STARD10: variants seen among roughly 807,000 people sequenced by gnomAD.
STARD10 encodes the protein StAR related lipid transfer domain containing 10.
In STARD10, 24 loss-of-function variants were observed where a neutral mutation model predicts 36.0. The ratio of observed to expected loss-of-function variants is 0.67; its 90% CI spans 0.48 to 0.94. STARD10 has a LOEUF of 0.94. Ranked by LOEUF, STARD10 falls within the 40% of genes least tolerant of loss-of-function variation. The pLI is 0.00. For missense variants in STARD10, 335 were observed against 396.6 expected (o/e 0.84, Z 1.32); for synonymous variants, 156 against 161.9 (o/e 0.96, Z 0.28).
At chr11:72,770,907 C>T (rs1858846483) in intron 2 of STARD10, among the ~76,000 whole-genome samples, 1 of 152,192 alleles carries the variant, frequency 6.6e-6, no homozygotes, top group Non-Finnish European at 1.5e-5. Flanking sequence ...CAAGGTAACC[C>T]AGGTGAACAA....
intron 6 of STARD10, chr11:72,755,368 T>G (rs1031029445): frequency 1.7e-6 from 1 of 574,626 alleles, no homozygotes; most frequent in African/African-American, 2.0e-5. Context: ...TGGAGTGCAG[T>G]GGCATGATAT....
chr11:72,770,038 C>T (rs950030004), intron 2 of STARD10, among the ~76,000 whole-genome samples: 1 of 152,170 alleles, frequency 6.6e-6, no homozygotes, highest in African/African-American at 2.4e-5. Flanking sequence ...CAAACTAGTA[C>T]CCGTGACATG....
chr11:72,780,112 C>G (rs1437731069), intron 2 of STARD10: 2 of 407,180 alleles, frequency 4.9e-6, no homozygotes, highest in Non-Finnish European at 1.0e-5. Context: ...GCAGCACCCA[C>G]AGCAACATCA....
intron 1 of STARD10, among the ~76,000 whole-genome samples, chr11:72,784,142 A>C (rs1591272054): frequency 6.6e-6 from 1 of 151,304 alleles, no homozygotes; most frequent in Non-Finnish European, 1.5e-5. Context: ...TCTCATGAAA[A>C]CCTCTCAAAC....
chr11:72,755,685 T>C lies in STARD10; in HGVS notation c.630+16A>G. ...CAGTCTTCAACACCCCTCCCCAAAA[T>C]CCCAAGGCCACTCACCTTGGGAGCC... On this transcript the variant is annotated intron_variant, in intron 6 of 6. Coordinates refer to ENST00000334805, the MANE Select transcript of STARD10 (RefSeq NM_006645.3). The C allele has an allele frequency of 1.2e-6, 2 of 1,613,296 alleles. No individual in the cohort carries two copies. Among genetic ancestry groups the C allele is most frequent in the South Asian group, 2.2e-5 (2 of 91,052 alleles).
At chr11:72,784,130 G>C (rs1190353369) in intron 1 of STARD10, among the ~76,000 whole-genome samples, 2 of 152,104 alleles carry the variant, frequency 1.3e-5, no homozygotes. Flanking sequence ...TCTGGCTCTG[G>C]GTCTCATGAA....
intron 1 of STARD10, among the ~76,000 whole-genome samples, chr11:72,783,965 G>T (rs1859039620): frequency 6.6e-6 from 1 of 152,174 alleles, no homozygotes; most frequent in Non-Finnish European, 1.5e-5. Flanking sequence ...GTAAAGGTGG[G>T]CGACCTGGCA....
intron 1 of STARD10, among the ~76,000 whole-genome samples, chr11:72,787,018 A>G (rs1307604698): frequency 7.0e-6 from 1 of 142,876 alleles, no homozygotes; most frequent in Non-Finnish European, 1.5e-5. Context: ...CAGGAGTTCG[A>G]GGCTGCAGTG....
At chr11:72,763,685 G>GTGAA (rs1019489945) in intron 2 of STARD10, among the ~76,000 whole-genome samples, 3 of 152,194 alleles carry the variant, frequency 2.0e-5, no homozygotes, top group African/African-American at 7.2e-5. Flanking sequence ...GAGTGACTGA[G>GTGAA]TGAATGAATG....
chr11:72,787,064 A>G (rs148056901), intron 1 of STARD10, among the ~76,000 whole-genome samples: 4 of 146,610 alleles, frequency 2.7e-5, no homozygotes, highest in African/African-American at 1.0e-4. Flanking sequence ...AGCCTGGGTG[A>G]CAGAGAGAGA....
chr11:72,775,843 C>G (rs1858922449), intron 2 of STARD10, among the ~76,000 whole-genome samples: 1 of 152,172 alleles, frequency 6.6e-6, no homozygotes, highest in African/African-American at 2.4e-5. Context: ...GATAAGGAAG[C>G]TGAGTCCCAG....
chr11:72,784,257 C>T (rs1371805367), intron 1 of STARD10, among the ~76,000 whole-genome samples: 1 of 152,182 alleles, frequency 6.6e-6, no homozygotes, highest in African/African-American at 2.4e-5. Context: ...TGGAGGGGCT[C>T]TGGGAGAGGA....
In STARD10 at chr11:72,771,655, C is replaced by T. The variant is rs569624573; in HGVS notation, c.207+9320G>A. 9.9e-5 allele frequency among the ~76,000 whole-genome samples: 15 copies of T among 152,210 alleles called. No individual in the cohort carries two copies. In the South Asian group the frequency reaches 3.1e-3, roughly 32 times the overall value. ...ACTCATCCCTGCTCTGCCTCTTTCC[C>T]CCTTCCCTCCCTGGTCCCCAGCAGC... On this transcript the variant is annotated intron_variant, in intron 2 of 6. Transcript: ENST00000334805.
rs1858626744 is a variant in STARD10 at position 72,755,173 on chromosome 11, G to A, written c.631-31C>T. On this transcript the variant is annotated intron_variant, in intron 6 of 6. Coordinates refer to ENST00000334805, the MANE Select transcript of STARD10 (RefSeq NM_006645.3). The stretch of plus-strand genomic sequence containing the variant: ...GGCCCGCCGCCCCGCCGGGTCAGGG[G>A]GTGGCTAGGGGGCAGGTCTTCTCCA... 10 of 1,587,792 alleles carry A rather than the reference G, an allele frequency of 6.3e-6. No individual in the cohort carries two copies. The East Asian group carries it at 1.8e-4, about 29-fold the overall frequency.
intron 1 of STARD10, chr11:72,790,494 G>T (rs1230370682): frequency 6.6e-6 from 1 of 152,290 alleles, no homozygotes; most frequent in African/African-American, 2.4e-5. Flanking sequence ...TGGGCCGGGG[G>T]GGTATCTGAT....
intron 1 of STARD10, among the ~76,000 whole-genome samples, chr11:72,788,147 C>A (rs796634386): frequency 3.9e-5 from 6 of 152,312 alleles, no homozygotes; most frequent in African/African-American, 1.4e-4. Flanking sequence ...CAGGTATAGA[C>A]CAGCTTCCAT....
intron 2 of STARD10, among the ~76,000 whole-genome samples, chr11:72,774,949 G>A (rs543740620): frequency 7.2e-5 from 11 of 152,342 alleles, no homozygotes; most frequent in African/African-American, 2.2e-4. Context: ...GCTGGGGCTC[G>A]TTAAAGTTTA....
intron 2 of STARD10, among the ~76,000 whole-genome samples, chr11:72,769,880 G>A (rs953617891): frequency 1.3e-5 from 2 of 152,188 alleles, no homozygotes; most frequent in African/African-American, 2.4e-5. Context: ...GGGTTCCCCC[G>A]AGCAGGGGTG....
chr11:72,758,548 G>GT lies in STARD10; in HGVS notation c.440dup (p.Asn147LysfsTer56), dbSNP rs1193056386. On this transcript the variant is annotated frameshift_variant, in exon 4 of 7. Coordinates refer to ENST00000334805, the MANE Select transcript of STARD10 (RefSeq NM_006645.3). LOFTEE classifies it high-confidence loss of function. ...GACTCACGGGATGTTTGACTGAGTA[G>GT]TTCATAATGATGTAATCAGCGCCCA... 6.2e-7 allele frequency: 1 copy of GT among 1,613,830 alleles called. No homozygotes were observed. The highest frequency in any genetic ancestry group is 8.5e-7 in the Non-Finnish European group (1 of 1,179,916).
Sources: allele counts gnomAD v4.1 joint callset (sites outside exome capture counted in the v4.1 genomes callset), GRCh38; gene constraint gnomAD v4.1.1; transcripts MANE v1.5; gene names NCBI Gene and HGNC (gene_info 2026-07-23, HGNC 2026-07-21).